CADM2: variants seen among roughly 807,000 people sequenced by gnomAD.
CADM2 encodes the protein immunoglobulin superfamily member 4D.
CADM2 carries 12 observed loss-of-function variants against 49.8 expected under a neutral mutation model. The observed-to-expected ratio is 0.24, with a 90% CI of 0.15 to 0.39. CADM2 has a LOEUF of 0.39. Ranked by LOEUF, CADM2 falls within the 10% of genes least tolerant of loss-of-function variation. The probability of loss-of-function intolerance (pLI) is 1.00; values close to 1 mark genes in which losing one functional copy is unlikely to be tolerated. For missense variants in CADM2, 378 were observed against 492.3 expected (o/e 0.77, Z 2.20); for synonymous variants, 214 against 175.4 (o/e 1.22, Z -1.74).
chr3:85,189,612 T>TA (rs536917716), intron 1 of CADM2, among the ~76,000 whole-genome samples: 70 of 152,234 alleles, frequency 4.6e-4, no homozygotes, highest in Non-Finnish European at 8.5e-4. Flanking sequence ...AATGTACTGT[T>TA]ACGCCAAGAT....
chr3:85,579,942 T>C (rs1445728799), intron 1 of CADM2, among the ~76,000 whole-genome samples: 1 of 152,190 alleles, frequency 6.6e-6, no homozygotes, highest in Non-Finnish European at 1.5e-5. Context: ...TATGTTTACA[T>C]ACACATATGG....
intron 1 of CADM2, among the ~76,000 whole-genome samples, chr3:84,973,941 A>G (rs887899295): frequency 2.0e-5 from 3 of 152,176 alleles, no homozygotes; most frequent in Non-Finnish European, 4.4e-5. Context: ...TGGTCAACAA[A>G]GCTGAAGAAT....
intron 6 of CADM2, among the ~76,000 whole-genome samples, chr3:85,928,945 T>TACA (rs1179665802): frequency 6.6e-6 from 1 of 152,064 alleles, no homozygotes; most frequent in African/African-American, 2.4e-5. Flanking sequence ...ATTTAATAAA[T>TACA]ACAACGTTGA....
intron 1 of CADM2, among the ~76,000 whole-genome samples, chr3:85,724,351 A>G (rs888489837): frequency 5.9e-5 from 9 of 151,916 alleles, no homozygotes; most frequent in African/African-American, 2.2e-4. Flanking sequence ...ATCTTTATCC[A>G]GGATTTTCTG....
At chr3:85,389,026 G>A (rs931527521) in intron 1 of CADM2, among the ~76,000 whole-genome samples, 1 of 152,092 alleles carries the variant, frequency 6.6e-6, no homozygotes, top group African/African-American at 2.4e-5. Context: ...AGGGTTTCCA[G>A]GACATTGTGG....
At chr3:86,063,325 C>T (rs1738917080) in intron 8 of CADM2, among the ~76,000 whole-genome samples, 1 of 152,156 alleles carries the variant, frequency 6.6e-6, no homozygotes, top group Admixed American at 6.5e-5. Flanking sequence ...TAAATACTCC[C>T]ATTTGGAATT....
At chr3:85,095,226 A>C (rs2037750094) in intron 1 of CADM2, among the ~76,000 whole-genome samples, 1 of 152,170 alleles carries the variant, frequency 6.6e-6, no homozygotes, top group Non-Finnish European at 1.5e-5. Context: ...AGATGTGCAT[A>C]CACAACAAAA....
At chr3:85,779,720 C>A (rs1424772014) in intron 2 of CADM2, among the ~76,000 whole-genome samples, 1 of 152,128 alleles carries the variant, frequency 6.6e-6, no homozygotes, top group African/African-American at 2.4e-5. Context: ...CACAACCAAG[C>A]CATATCACCT....
intron 1 of CADM2, among the ~76,000 whole-genome samples, chr3:85,016,836 A>G (rs140683563): frequency 1.6e-3 from 241 of 152,120 alleles, no homozygotes; most frequent in African/African-American, 5.4e-3. Flanking sequence ...AAGAAAGAAA[A>G]ACTCCAAACT....
chr3:85,867,855 T>C (rs2075782152), intron 3 of CADM2, among the ~76,000 whole-genome samples: 1 of 152,072 alleles, frequency 6.6e-6, no homozygotes, highest in African/African-American at 2.4e-5. Flanking sequence ...TTCCTTTTCC[T>C]TTTTCTTGTA....
chr3:85,247,552 A>T (rs1411719188), intron 1 of CADM2, among the ~76,000 whole-genome samples: 1 of 152,140 alleles, frequency 6.6e-6, no homozygotes, highest in African/African-American at 2.4e-5. Context: ...ATCCAAAATG[A>T]TATACTTCAG....
intron 1 of CADM2, among the ~76,000 whole-genome samples, chr3:85,176,790 A>G (rs755945380): frequency 6.6e-6 from 1 of 152,218 alleles, no homozygotes; most frequent in African/African-American, 2.4e-5. Flanking sequence ...AGATATGCAT[A>G]TAACACTAGA....
At chr3:85,859,896 T>C (rs1422597486) in intron 3 of CADM2, among the ~76,000 whole-genome samples, 2 of 152,252 alleles carry the variant, frequency 1.3e-5, no homozygotes, top group Non-Finnish European at 2.9e-5. Flanking sequence ...GTTCTATTTA[T>C]ATTAATTGTT....
intron 1 of CADM2, among the ~76,000 whole-genome samples, chr3:85,624,006 G>A (rs2064049199): frequency 6.6e-6 from 1 of 151,996 alleles, no homozygotes; most frequent in Admixed American, 6.6e-5. Flanking sequence ...ATTGATGATT[G>A]TCAGAAATGT....
intron 7 of CADM2, among the ~76,000 whole-genome samples, chr3:85,945,705 A>G (rs1395780554): frequency 1.3e-5 from 2 of 152,292 alleles, no homozygotes; most frequent in South Asian, 2.1e-4. Flanking sequence ...AGATGCAGAA[A>G]AGGCCTTTGA....
chr3:85,814,946 C>G (rs2108148568), intron 3 of CADM2, among the ~76,000 whole-genome samples: 1 of 151,842 alleles, frequency 6.6e-6, no homozygotes, highest in African/African-American at 2.4e-5. Flanking sequence ...TACAAACTAC[C>G]ATCAGAGAAT....
chr3:85,336,984 A>G (rs1242547450), intron 1 of CADM2, among the ~76,000 whole-genome samples: 1 of 119,952 alleles, frequency 8.3e-6, no homozygotes, highest in Non-Finnish European at 1.8e-5. Flanking sequence ...TATTTAATAT[A>G]TATATATTTA....
At chr3:85,569,184 AT>A (rs2062404189) in intron 1 of CADM2, among the ~76,000 whole-genome samples, 1 of 152,294 alleles carries the variant, frequency 6.6e-6, no homozygotes, top group African/African-American at 2.4e-5. Flanking sequence ...CATATGCTGT[AT>A]AAATGAAATC....
At chr3:85,393,324 G>T (rs986221961) in intron 1 of CADM2, among the ~76,000 whole-genome samples, 22 of 152,094 alleles carry the variant, frequency 1.4e-4, no homozygotes, top group African/African-American at 5.3e-4. Context: ...TGATGATCTT[G>T]ACTTAGATAT....
Sources: gnomAD v4.1 joint callset for allele counts (sites outside exome capture counted in the v4.1 genomes callset) on GRCh38, gnomAD v4.1.1 for gene constraint, MANE v1.5 for transcripts, NCBI Gene and HGNC (gene_info 2026-07-23, HGNC 2026-07-21) for gene names.